Variants in HMGXB3 observed in about 807,000 individuals in gnomAD.
The protein encoded by HMGXB3 is HMG-box containing 3, also known as HMG domain-containing protein 3.
Under a neutral mutation model 121.5 loss-of-function variants are expected in HMGXB3, and 45 were observed. The observed-to-expected ratio is 0.37, with a 90% CI of 0.29 to 0.47. The LOEUF (loss-of-function observed/expected upper bound fraction) is 0.47, where lower values mean the gene tolerates loss of function less well. Ranked by LOEUF, HMGXB3 falls within the 20% of genes least tolerant of loss-of-function variation. HMGXB3 has a pLI of 0.99. For synonymous variants in HMGXB3, 590 were observed against 624.1 expected (o/e 0.95, Z 0.81); for missense variants, 1,376 against 1,602.2 (o/e 0.86, Z 2.41).
chr5:150,010,283 C>T lies in HMGXB3; in HGVS notation c.485C>T (p.Pro162Leu). The T allele has an allele frequency of 6.4e-7, 1 of 1,551,800 alleles. No individual in the cohort carries two copies. Among genetic ancestry groups the T allele is most frequent in the African/African-American group, 1.4e-5 (1 of 73,162 alleles). ...AQNQMSPKGP[P>L]LVSNTAPETV... ...AACCAGATGTCCCCGAAAGGACCTCCTCTTGTGTCCAACACTGCCCCGGAG... is the reference window on the plus strand; with the variant it reads ...AACCAGATGTCCCCGAAAGGACCTCTTCTTGTGTCCAACACTGCCCCGGAG... The change falls in exon 4 of 20, where the codon CCT becomes CTT. Residue 162 changes from proline (P) to leucine (L), a missense_variant. By Grantham distance (98) the Pro-to-Leu change is moderately conservative. Coordinates refer to ENST00000502717, the MANE Select transcript of HMGXB3 (RefSeq NM_014983.3).
At chr5:150,030,877 G>C (rs1230881493) in intron 10 of HMGXB3, 38 bp downstream of exon 10, 1 of 1,484,426 alleles carries the variant, frequency 6.7e-7, no homozygotes, top group South Asian at 1.2e-5. Flanking sequence ...TTGACATGGA[G>C]GTTGTTTTGA....
chr5:150,053,036 C>A lies in HMGXB3; in HGVS notation c.*844C>A, dbSNP rs904753302. On this transcript the variant is annotated 3_prime_UTR_variant, in exon 20 of 20. Transcript: ENST00000502717. ...TCAAGTGCCCAAGGTTTGTTTAGGG[C>A]CTGGGAATTGGCCATGTGTTAATTT... 4.1e-4 allele frequency: 69 copies of A among 169,644 alleles called. No individual in the cohort carries two copies. Among genetic ancestry groups the A allele is most frequent in the African/African-American group, 1.5e-3 (61 of 42,052 alleles). 10.5% of individuals were successfully genotyped at this position (169,644 alleles called of 1,614,324 possible). A position where few individuals can be genotyped will look rare whatever the true frequency, so the allele number is the denominator to read the frequency against.
rs755697135 is a variant in HMGXB3 at position 150,051,960 on chromosome 5, G to A, written c.3647G>A (p.Arg1216His). 7.7e-6 allele frequency: 12 copies of A among 1,552,152 alleles called. No homozygotes were observed. The highest frequency in any genetic ancestry group is 2.7e-5 in the African/African-American group (2 of 73,064). Reference sequence around the variant, plus strand: ...GTGGACAGCAAACCAAACGGTGTCCGCCAGCGGCCCATTGCCTTCGACAAT... The same window carrying A: ...GTGGACAGCAAACCAAACGGTGTCCACCAGCGGCCCATTGCCTTCGACAAT... ...SIVDSKPNGV[R>H]QRPIAFDNAT... The change falls in exon 20 of 20, where the codon CGC becomes CAC. Residue 1216 changes from arginine to histidine, a missense_variant. Physicochemically the swap from Arg to His is conservative, Grantham distance 29. Transcript: ENST00000502717.
chr5:150,052,124 G>A lies in HMGXB3; in HGVS notation c.3811G>A (p.Val1271Ile), dbSNP rs935331571. The A allele has an allele frequency of 1.3e-6, 2 of 1,551,644 alleles. No homozygotes were observed. Among genetic ancestry groups the A allele is most frequent in the Admixed American group, 2.0e-5 (1 of 51,016 alleles). ...VIRDTLYRLG[V>I]AQIKTETEEE... ...TCGTGACACCCTCTACCGCCTTGGG[G>A]TTGCTCAGATCAAGACAGAGACAGA... Residue 1271 changes from valine (V) to isoleucine (I), a missense_variant, in exon 20 of 20, where the codon GTT becomes ATT. By Grantham distance (29) the Val-to-Ile change is conservative. This residue lies in a region of HMGXB3 where 260 missense variants were observed against 233.2 expected (regional missense o/e 1.11). Transcript: ENST00000502717.
intron 15 of HMGXB3, among the ~76,000 whole-genome samples, chr5:150,044,548 C>CT (rs1321050611): frequency 6.6e-6 from 1 of 152,140 alleles, no homozygotes. Flanking sequence ...CAGTGGAGGG[C>CT]TTGCTGGGTC....
intron 1 of HMGXB3, among the ~76,000 whole-genome samples, chr5:150,004,453 AT>A (rs529863829): frequency 8.6e-5 from 13 of 151,408 alleles, no homozygotes; most frequent in Admixed American, 2.6e-4. Context: ...CTGGCCAAGC[AT>A]TTTTTTTTAA....
At chr5:150,029,105 C>T (rs569654004) in intron 9 of HMGXB3, among the ~76,000 whole-genome samples, 8 of 152,138 alleles carry the variant, frequency 5.3e-5, no homozygotes, top group South Asian at 4.2e-4. Flanking sequence ...AATGACCATC[C>T]GATGTGCTTT....
intron 3 of HMGXB3, among the ~76,000 whole-genome samples, chr5:150,008,254 A>T (rs182992056): frequency 1.3e-3 from 196 of 152,248 alleles, no homozygotes; most frequent in African/African-American, 3.7e-3. Context: ...ATTTCTATCT[A>T]CCACTATCTC....
At chr5:150,019,163 T>C (rs1322891387) in intron 6 of HMGXB3, among the ~76,000 whole-genome samples, 5 of 152,316 alleles carry the variant, frequency 3.3e-5, no homozygotes, top group Admixed American at 2.0e-4. Context: ...ATATTTTGCT[T>C]TTTTTAATTT....
intron 16 of HMGXB3, among the ~76,000 whole-genome samples, chr5:150,046,972 C>T (rs1756771675): frequency 6.6e-6 from 1 of 150,688 alleles, no homozygotes; most frequent in African/African-American, 2.4e-5. Context: ...TGCAACTCTG[C>T]CTTCCGGGTT....
chr5:150,024,426 C>T lies in HMGXB3; in HGVS notation c.1206C>T (p.Asn402=), dbSNP rs367635272. ...CGGAAGCTGTAAGCCAGCTCCTGAA[C>T]GTAGCTCCTCCCAGAGAAGTAGGTG... ...ENSEAVSQLL[N]VAPPREVGEE... Residue 402 remains asparagine, a synonymous_variant, in exon 7 of 20, where the codon AAC becomes AAT. Coordinates refer to ENST00000502717, the MANE Select transcript of HMGXB3 (RefSeq NM_014983.3). 112 of 1,551,590 alleles carry T rather than the reference C, an allele frequency of 7.2e-5. 1 individual carries two copies. The highest frequency in any genetic ancestry group is 1.3e-4 in the South Asian group (11 of 84,064).
At chr5:150,008,110 C>CT (rs1755750982) in intron 3 of HMGXB3, among the ~76,000 whole-genome samples, 1 of 149,378 alleles carries the variant, frequency 6.7e-6, no homozygotes, top group Non-Finnish European at 1.5e-5. Context: ...AATCAGCAAT[C>CT]TTTTTGTGCA....
intron 11 of HMGXB3, 24 bp from the exon 12 acceptor site, chr5:150,036,612 G>C: frequency 2.7e-6 from 4 of 1,507,400 alleles, no homozygotes; most frequent in Non-Finnish European, 3.6e-6. Flanking sequence ...TGAGTGCTTG[G>C]TGATCAATCC....
At chr5:150,017,417 T>C (rs1287748661) in intron 5 of HMGXB3, among the ~76,000 whole-genome samples, 1 of 152,248 alleles carries the variant, frequency 6.6e-6, no homozygotes, top group African/African-American at 2.4e-5. Flanking sequence ...TTATCTCACT[T>C]TCTCAGCAAG....
intron 5 of HMGXB3, among the ~76,000 whole-genome samples, chr5:150,017,401 C>G (rs1199984709): frequency 1.3e-5 from 2 of 152,140 alleles, no homozygotes; most frequent in Non-Finnish European, 2.9e-5. Flanking sequence ...AATGTTTTCT[C>G]ATTTCTTATC....
intron 3 of HMGXB3, among the ~76,000 whole-genome samples, chr5:150,009,730 G>C (rs1755785749): frequency 6.6e-6 from 1 of 152,188 alleles, no homozygotes; most frequent in African/African-American, 2.4e-5. Context: ...TAAATTGCCA[G>C]ATTCAGCTCC....
In HMGXB3 at chr5:150,045,903, G is replaced by A. The variant is rs1409498342; in HGVS notation, c.2950+218G>A. 3.9e-5 allele frequency among the ~76,000 whole-genome samples: 6 copies of A among 152,192 alleles called. No homozygotes were observed. In the East Asian group the frequency reaches 7.7e-4, roughly 19 times the overall value. The stretch of plus-strand genomic sequence containing the variant: ...GTCCTCCATCTTACATAGCAGGGGC[G>A]CACAGCTCATTGTCAGCCTTCTGGG... On this transcript the variant is annotated intron_variant, in intron 16 of 19. Transcript: ENST00000502717.
At chr5:150,026,973 G>C (rs753878422) in intron 8 of HMGXB3, 47 bp from the exon 9 acceptor site, 2 of 1,543,690 alleles carry the variant, frequency 1.3e-6, no homozygotes, top group South Asian at 2.4e-5. Context: ...GACTTGGGGA[G>C]ACTCTGAATG....
chr5:150,019,001 T>G (rs1756022716), intron 6 of HMGXB3, among the ~76,000 whole-genome samples: 1 of 152,070 alleles, frequency 6.6e-6, no homozygotes, highest in Non-Finnish European at 1.5e-5. Flanking sequence ...CCTTCTTTTT[T>G]TTTTCCAGTA....
Sources: allele counts gnomAD v4.1 joint callset (sites outside exome capture counted in the v4.1 genomes callset), GRCh38; gene constraint gnomAD v4.1.1; regional missense constraint gnomAD v4.1.1; transcripts MANE v1.5; gene names NCBI Gene and HGNC (gene_info 2026-07-23, HGNC 2026-07-21).